AMD1: variants seen among roughly 807,000 people sequenced by gnomAD.
AMD1 encodes the protein adenosylmethionine decarboxylase 1, also known as S-adenosylmethionine decarboxylase proenzyme.
Under a neutral mutation model 40.2 loss-of-function variants are expected in AMD1, and 11 were observed. That is an observed-to-expected ratio of 0.27 (90% CI 0.17 to 0.45). The LOEUF (loss-of-function observed/expected upper bound fraction) is 0.45, where lower values mean the gene tolerates loss of function less well. Among genes scored for constraint, AMD1 ranks in the 20% least tolerant of loss-of-function variants. The probability of loss-of-function intolerance (pLI) is 1.00; values close to 1 mark genes in which losing one functional copy is unlikely to be tolerated. For missense variants in AMD1, 257 were observed against 410.2 expected, an observed-to-expected ratio of 0.63 and a Z score of 3.23; for synonymous variants, 121 against 130.8, an observed-to-expected ratio of 0.93 and a Z score of 0.51.
upstream of AMD1, among the ~76,000 whole-genome samples, chr6:110,871,948 G>C (rs565558022): frequency 6.6e-6 from 1 of 152,252 alleles, no homozygotes; most frequent in South Asian, 2.1e-4. Flanking sequence ...CTGCAGCATT[G>C]GGAAGAAAAT....
the AMD1 span, among the ~76,000 whole-genome samples, chr6:110,827,090 A>G: frequency 6.6e-6 from 1 of 152,056 alleles, no homozygotes; most frequent in African/African-American, 2.4e-5. Flanking sequence ...ACATCTGCAA[A>G]TAGCCTATTT....
At chr6:110,860,580 C>T in the AMD1 span, among the ~76,000 whole-genome samples, 1 of 151,624 alleles carries the variant, frequency 6.6e-6, no homozygotes, top group Non-Finnish European at 1.5e-5. Flanking sequence ...GGGAGGATCA[C>T]CTGAGGTCAG....
chr6:110,834,694 C>T, the AMD1 span, among the ~76,000 whole-genome samples: 1 of 151,902 alleles, frequency 6.6e-6, no homozygotes, highest in African/African-American at 2.4e-5. Flanking sequence ...CACTGTGGCT[C>T]ACGTCTGTAA....
the AMD1 span, among the ~76,000 whole-genome samples, chr6:110,827,502 C>T: frequency 2.0e-5 from 3 of 151,902 alleles, no homozygotes; most frequent in Admixed American, 6.6e-5. Flanking sequence ...TGGTGGCTCA[C>T]GCCTGTAATG....
chr6:110,817,742 G>T, the AMD1 span, among the ~76,000 whole-genome samples: 23,980 of 152,130 alleles, frequency 0.16, 2,097 homozygotes, highest in East Asian at 0.31. Context: ...AAACAAATAT[G>T]CAAGCAAATT....
At chr6:110,820,874 G>T in the AMD1 span, among the ~76,000 whole-genome samples, 1 of 152,072 alleles carries the variant, frequency 6.6e-6, no homozygotes. Context: ...CAGCAAGATC[G>T]TGCCACAGCA....
chr6:110,822,704 C>A, the AMD1 span, among the ~76,000 whole-genome samples: 1 of 152,166 alleles, frequency 6.6e-6, no homozygotes, highest in Non-Finnish European at 1.5e-5. Flanking sequence ...CAAACTAAAT[C>A]TAATAGCACA....
At chr6:110,868,147 T>TATC in the AMD1 span, among the ~76,000 whole-genome samples, 1 of 151,326 alleles carries the variant, frequency 6.6e-6, no homozygotes, top group African/African-American at 2.4e-5. Flanking sequence ...TTTATTTTAT[T>TATC]ATTATTATTA....
At chr6:110,846,665 T>C in the AMD1 span, among the ~76,000 whole-genome samples, 2 of 150,524 alleles carry the variant, frequency 1.3e-5, no homozygotes. Flanking sequence ...AGGTCAGGAG[T>C]TCAAGACCAG....
chr6:110,887,645 T>C, intron 2 of AMD1, 54 bp downstream of exon 2: 2 of 1,283,882 alleles, frequency 1.6e-6, no homozygotes, highest in East Asian at 2.5e-5. Context: ...AATCATAATG[T>C]GAAACAGTTA....
At chr6:110,857,571 A>G in the AMD1 span, among the ~76,000 whole-genome samples, 589 of 146,184 alleles carry the variant, frequency 4.0e-3, 2 homozygotes, top group Middle Eastern at 0.018. Context: ...ATATATATAT[A>G]ATATGGTATA....
At chr6:110,871,047 G>GA (rs1784910833), upstream of AMD1, among the ~76,000 whole-genome samples, 1 of 152,166 alleles carries the variant, frequency 6.6e-6, no homozygotes, top group South Asian at 2.1e-4. Context: ...TCAGATAAAT[G>GA]AAAATGACCT....
chr6:110,828,324 C>T, the AMD1 span, among the ~76,000 whole-genome samples: 5 of 151,582 alleles, frequency 3.3e-5, no homozygotes, highest in African/African-American at 1.2e-4. Context: ...TCCACCTACT[C>T]GGGAGGCTGA....
At chr6:110,852,358 A>G in the AMD1 span, among the ~76,000 whole-genome samples, 1 of 151,406 alleles carries the variant, frequency 6.6e-6, no homozygotes, top group East Asian at 1.9e-4. Flanking sequence ...AGTAGCTACA[A>G]CTACAGGCAC....
In AMD1 at chr6:110,893,790, G is replaced by C. The variant is rs1786167912; in HGVS notation, c.*174G>C. On this transcript the variant is annotated 3_prime_UTR_variant, in exon 9 of 9. Transcript: ENST00000368885. The stretch of plus-strand genomic sequence containing the variant: ...TGAATTGTATGCATTATTATATCAA[G>C]GAGTTAGATATCTTGCATGAATGCT... 1 of 674,894 alleles carries C rather than the reference G, an allele frequency of 1.5e-6. No individual in the cohort carries two copies. The highest frequency in any genetic ancestry group is 2.4e-6 in the Non-Finnish European group (1 of 418,714). 41.8% of individuals were successfully genotyped at this position (674,894 alleles called of 1,614,324 possible). A position where few individuals can be genotyped will look rare whatever the true frequency, so the allele number is the denominator to read the frequency against.
chr6:110,855,850 G>T, the AMD1 span, among the ~76,000 whole-genome samples: 1 of 152,162 alleles, frequency 6.6e-6, no homozygotes, highest in Non-Finnish European at 1.5e-5. Context: ...AGAGGCCAAG[G>T]AGGGTGGATC....
the AMD1 span, chr6:110,858,240 T>G: frequency 1.1e-6 from 1 of 928,606 alleles, no homozygotes; most frequent in Non-Finnish European, 1.7e-6. Flanking sequence ...GCGCCAGCCA[T>G]GAGCTCCACG....
chr6:110,843,199 AC>A, the AMD1 span, among the ~76,000 whole-genome samples: 1 of 152,038 alleles, frequency 6.6e-6, no homozygotes, highest in Non-Finnish European at 1.5e-5. Context: ...ATGGTGGTTC[AC>A]GCCTGAAATC....
In AMD1 at chr6:110,892,771, A is replaced by G; in HGVS notation, c.652A>G (p.Ile218Val). The G allele has an allele frequency of 6.2e-7, 1 of 1,613,508 alleles. No individual in the cohort carries two copies. The highest frequency in any genetic ancestry group is 1.3e-5 in the African/African-American group (1 of 74,890). Residue 218 changes from isoleucine to valine, a missense_variant, in exon 7 of 9, where the codon ATT (isoleucine) becomes GTT (valine). Ile to Val is a conservative substitution (Grantham distance 29). Around this residue, in one of 3 missense-constraint regions of AMD1, gnomAD observed 192 missense variants for 296.5 expected, o/e 0.65. Coordinates refer to ENST00000368885, the MANE Select transcript of AMD1 (RefSeq NM_001634.6). ...TCGTGACCTGATACCAGGTTCTGTC[A>G]TTGATGCCACAATGTTCAATCCTTG... ...GIRDLIPGSVIDATMFNPCGY... is the reference protein window; with the variant it reads ...GIRDLIPGSVVDATMFNPCGY...
Sources: gnomAD v4.1 joint callset for allele counts (sites outside exome capture counted in the v4.1 genomes callset) on GRCh38, gnomAD v4.1.1 for gene constraint, gnomAD v4.1.1 regional missense constraint, MANE v1.5 for transcripts, NCBI Gene and HGNC (gene_info 2026-07-23, HGNC 2026-07-21) for gene names.